Variants in TBC1D1 observed in about 807,000 individuals in gnomAD.
The protein encoded by TBC1D1 is TBC1 (tre-2/USP6, BUB2, cdc16) domain family, member 1.
Under a neutral mutation model 125.6 loss-of-function variants are expected in TBC1D1, and 89 were observed. The observed-to-expected ratio is 0.71, with a 90% CI of 0.60 to 0.85. TBC1D1 has a LOEUF of 0.85. Ranked by LOEUF, TBC1D1 falls within the 40% of genes least tolerant of loss-of-function variation. TBC1D1 has a pLI of 0.00. For missense variants in TBC1D1, 1,377 were observed against 1,469.2 expected, an observed-to-expected ratio of 0.94 and a Z score of 1.03; for synonymous variants, 565 against 564.1, an observed-to-expected ratio of 1.00 and a Z score of -0.02.
At chr4:37,909,965 G>A (rs544250068) in intron 2 of TBC1D1, among the ~76,000 whole-genome samples, 8 of 152,256 alleles carry the variant, frequency 5.3e-5, no homozygotes, top group Admixed American at 4.6e-4. Context: ...AAGAATGTCC[G>A]GGACTGCATG....
At chr4:37,947,489 C>G (rs1410877183) in intron 2 of TBC1D1, among the ~76,000 whole-genome samples, 1 of 152,102 alleles carries the variant, frequency 6.6e-6, no homozygotes, top group Non-Finnish European at 1.5e-5. Flanking sequence ...GACAGGGTCT[C>G]TCACTCTGTC....
In TBC1D1 at chr4:38,106,113, G is replaced by T. The variant is rs554588393; in HGVS notation, c.2557+2956G>T. ...TCTGCGGACTGGGCTGGGGCTGTTTGGCCATTATACCCTCGGCTTCTAGGA... is the reference window on the plus strand; with the variant it reads ...TCTGCGGACTGGGCTGGGGCTGTTTTGCCATTATACCCTCGGCTTCTAGGA... On this transcript the variant is annotated intron_variant, in intron 15 of 19. Transcript: ENST00000261439. Among the ~76,000 whole-genome samples the T allele has an allele frequency of 4.6e-5, 7 of 152,098 alleles. No individual in the cohort carries two copies. In the South Asian group the frequency reaches 1.4e-3, roughly 32 times the overall value.
chr4:38,016,793 C>A (rs1377154880), intron 3 of TBC1D1, among the ~76,000 whole-genome samples: 2 of 152,170 alleles, frequency 1.3e-5, no homozygotes, highest in African/African-American at 2.4e-5. Context: ...TTTCATCAGG[C>A]ACAACTTTAT....
chr4:37,945,711 C>T (rs1278878923), intron 2 of TBC1D1, among the ~76,000 whole-genome samples: 2 of 152,032 alleles, frequency 1.3e-5, no homozygotes, highest in Non-Finnish European at 2.9e-5. Context: ...CTTATAACAT[C>T]CAGGATTCCC....
At chr4:37,925,681 CA>C (rs34337656) in intron 2 of TBC1D1, among the ~76,000 whole-genome samples, 39,223 of 106,222 alleles carry the variant, frequency 0.37, 5,025 homozygotes, top group Middle Eastern at 0.5. Context: ...GACTCCATCT[CA>C]AAAAAAAAAA....
chr4:38,116,103 C>A, intron 16 of TBC1D1, 149 bp downstream of exon 18: 1 of 801,882 alleles, frequency 1.2e-6, no homozygotes, highest in Non-Finnish European at 1.9e-6. Context: ...AGGCATTATT[C>A]CAAGCGCTTC....
In TBC1D1 at chr4:38,093,354, C is replaced by T. The variant is rs537986888; in HGVS notation, c.2237-2575C>T. 2.2e-4 allele frequency among the ~76,000 whole-genome samples: 34 copies of T among 152,168 alleles called. No homozygotes were observed. In the South Asian group the frequency reaches 3.3e-3, roughly 15 times the overall value. ...GGAAGCATCGCATTCTGGAAAGAACCATACTATGTCATCTCAGTCTACCTC... is the reference window on the plus strand; with the variant it reads ...GGAAGCATCGCATTCTGGAAAGAACTATACTATGTCATCTCAGTCTACCTC... On this transcript the variant is annotated intron_variant, in intron 13 of 19. Coordinates refer to ENST00000261439, the MANE Select transcript of TBC1D1 (RefSeq NM_015173.4).
chr4:38,020,952 C>A, intron 5 of TBC1D1: 1 of 330,544 alleles, frequency 3.0e-6, no homozygotes, highest in Non-Finnish European at 5.8e-6. Flanking sequence ...TCATTTTAGA[C>A]ATCTGATCAA....
intron 2 of TBC1D1, among the ~76,000 whole-genome samples, chr4:37,941,220 A>C (rs1042569917): frequency 1.3e-5 from 2 of 152,148 alleles, no homozygotes; most frequent in African/African-American, 4.8e-5. Flanking sequence ...TGGTCTATTC[A>C]GGGATTCAAC....
chr4:38,075,856 C>CACCT (rs1755505700), intron 12 of TBC1D1, among the ~76,000 whole-genome samples: 1 of 152,204 alleles, frequency 6.6e-6, no homozygotes, highest in African/African-American at 2.4e-5. Flanking sequence ...CTTTGACAGT[C>CACCT]ACCTGTACAT....
intron 2 of TBC1D1, among the ~76,000 whole-genome samples, chr4:38,012,484 A>G (rs1741720795): frequency 6.6e-6 from 1 of 152,214 alleles, no homozygotes; most frequent in Admixed American, 6.5e-5. Context: ...CATTTTGCCC[A>G]GGATGGTCTT....
chr4:38,013,113 C>A (rs1200259878), intron 2 of TBC1D1, among the ~76,000 whole-genome samples: 1 of 152,086 alleles, frequency 6.6e-6, no homozygotes, highest in Non-Finnish European at 1.5e-5. Context: ...CTTTTAAAAT[C>A]ATTTAGGTCT....
At chr4:38,019,487 T>C (rs1333651401) in intron 4 of TBC1D1, among the ~76,000 whole-genome samples, 1 of 152,188 alleles carries the variant, frequency 6.6e-6, no homozygotes, top group Non-Finnish European at 1.5e-5. Context: ...ATAGAGTTTT[T>C]AATCCTGATT....
intron 2 of TBC1D1, among the ~76,000 whole-genome samples, chr4:37,913,039 G>A (rs1029199053): frequency 2.0e-5 from 3 of 152,194 alleles, no homozygotes; most frequent in Admixed American, 6.5e-5. Context: ...TAGCACAGTA[G>A]TCGATATGAA....
intron 12 of TBC1D1, among the ~76,000 whole-genome samples, chr4:38,080,090 G>C (rs567368987): frequency 1.3e-5 from 2 of 152,346 alleles, no homozygotes; most frequent in East Asian, 1.9e-4. Context: ...GCTGAAGCTC[G>C]TGTGGGGACC....
At chr4:38,114,217 C>T (rs1025280496) in intron 15 of TBC1D1, among the ~76,000 whole-genome samples, 4 of 152,118 alleles carry the variant, frequency 2.6e-5, no homozygotes, top group African/African-American at 7.2e-5. Context: ...GTTCTTTGAG[C>T]ACTGGGGAGC....
intron 17 of TBC1D1, among the ~76,000 whole-genome samples, chr4:38,119,677 T>C (rs965296570): frequency 1.3e-5 from 2 of 152,246 alleles, no homozygotes; most frequent in Non-Finnish European, 2.9e-5. Context: ...AAGAAAATTA[T>C]TAATCTACCT....
At position 37,972,403 on chromosome 4, in the gene TBC1D1, C is replaced by T. The variant is rs549780615; in HGVS notation, c.418-42106C>T. ...GGCTGAGGCATGAGAATCACTTGAA[C>T]CCAGGAGGCGGAGGTTGTGGTTAGC... On this transcript the variant is annotated intron_variant, in intron 2 of 19. Transcript: ENST00000261439. Among the ~76,000 whole-genome samples, 7 of 151,562 alleles carry T rather than the reference C, an allele frequency of 4.6e-5. No homozygotes were observed. The South Asian group carries it at 1.3e-3, about 27-fold the overall frequency.
chr4:37,951,804 C>T (rs994062218), intron 2 of TBC1D1, among the ~76,000 whole-genome samples: 2 of 152,322 alleles, frequency 1.3e-5, no homozygotes, highest in Middle Eastern at 3.4e-3. Context: ...AGAATAAACA[C>T]TGAAAATCTG....
Sources: allele counts gnomAD v4.1 joint callset (sites outside exome capture counted in the v4.1 genomes callset), GRCh38; gene constraint gnomAD v4.1.1; transcripts MANE v1.5; gene names NCBI Gene and HGNC (gene_info 2026-07-23, HGNC 2026-07-21).